Variants in PODNL1 observed in about 807,000 individuals in gnomAD.
The protein encoded by PODNL1 is podocan like 1.
A neutral mutation model predicts 45.1 loss-of-function variants in PODNL1; 50 were observed. That is an observed-to-expected ratio of 1.11 (90% CI 0.88 to 1.40). PODNL1 has a LOEUF of 1.40. PODNL1 is among the 40% of genes most tolerant of loss of function. The pLI, the probability that PODNL1 is intolerant of heterozygous loss-of-function variation, is 0.00. For synonymous variants in PODNL1, 406 were observed against 372.5 expected (o/e 1.09, Z -1.04); for missense variants, 788 against 793.3 (o/e 0.99, Z 0.08).
intron 1 of PODNL1, chr19:13,952,398 G>C: frequency 2.5e-6 from 3 of 1,208,950 alleles, no homozygotes; most frequent in Non-Finnish European, 3.1e-6. Context: ...GGCATAGCGC[G>C]AGTGCGGGCT....
intron 1 of PODNL1, among the ~76,000 whole-genome samples, chr19:13,947,170 GAAAAAAAAAAAAAA>G (rs758733245): frequency 1.1e-4 from 3 of 27,040 alleles, no homozygotes; most frequent in Admixed American, 4.5e-4. Context: ...CTCCATCTCA[GAAAAAAAAAAAAAA>G]AAAAAAAAAA....
chr19:13,934,209 A>G, intron 6 of PODNL1, 45 bp downstream of exon 6: 1 of 1,482,562 alleles, frequency 6.7e-7, no homozygotes, highest in Non-Finnish European at 8.9e-7. Flanking sequence ...CCCTGGAAAG[A>G]GGTGAAGAGA....
At chr19:13,952,264 G>A (rs1973076775) in intron 1 of PODNL1, among the ~76,000 whole-genome samples, 1 of 152,286 alleles carries the variant, frequency 6.6e-6, no homozygotes, top group African/African-American at 2.4e-5. Context: ...AAAGTTATCT[G>A]GGCAGGGCGA....
intron 1 of PODNL1, among the ~76,000 whole-genome samples, chr19:13,946,826 G>A (rs998926074): frequency 6.6e-6 from 1 of 152,000 alleles, no homozygotes; most frequent in Non-Finnish European, 1.5e-5. Context: ...GCCGAGGTGG[G>A]CGGATCACGA....
chr19:13,946,631 C>G (rs1490671010), intron 1 of PODNL1, among the ~76,000 whole-genome samples: 2 of 151,922 alleles, frequency 1.3e-5, no homozygotes, highest in Non-Finnish European at 2.9e-5. Flanking sequence ...GTTTTATGGC[C>G]CTTTTCCAGG....
chr19:13,933,192 C>A lies in PODNL1; in HGVS notation c.1031G>T (p.Arg344Leu), dbSNP rs763503040. 1.4e-5 allele frequency: 21 copies of A among 1,535,104 alleles called. No homozygotes were observed. The highest frequency in any genetic ancestry group is 1.7e-5 in the Non-Finnish European group (20 of 1,145,766). Reference protein sequence around the residue: ...TLHLYGNGLDRVPPALPRRLR... With the variant: ...TLHLYGNGLDLVPPALPRRLR... ...GCGGCGGGGCAGGGCTGGAGGCACG[C>A]GGTCCAGCCCATTGCCATAGAGGTG... The change falls in exon 8 of 10, where the codon CGC (arginine) becomes CTC (leucine). Residue 344 changes from arginine to leucine, a missense_variant. Physicochemically the swap from Arg to Leu is moderately radical, Grantham distance 102 (BLOSUM62 -2). Coordinates refer to ENST00000588872, the MANE Select transcript of PODNL1 (RefSeq NM_001370095.3). This position sits in a 1 kb window ranked among gnomAD's most constrained non-coding sequence, Gnocchi z 5.2.
Position 13,937,908 on chromosome 19 carries a change from G to A in PODNL1, c.102C>T (p.Pro34=), listed in dbSNP as rs1375439586. 5 of 1,563,896 alleles carry A rather than the reference G, an allele frequency of 3.2e-6. No individual in the cohort carries two copies. Among genetic ancestry groups the A allele is most frequent in the Non-Finnish European group, 8.7e-7 (1 of 1,154,636 alleles). The stretch of plus-strand genomic sequence containing the variant: ...AGCGCAGGGGACAGGCCCGGGGCAG[G>A]GGCTGCAAGCTCTCCCCCAGGTGGG... The part of the protein sequence containing the change: ...AFPHLGESLQ[P]LPRACPLRCS... The change falls in exon 2 of 10, where the codon CCC becomes CCT. Residue 34 remains proline, a synonymous_variant. Coordinates refer to ENST00000588872, the MANE Select transcript of PODNL1 (RefSeq NM_001370095.3).
Position 13,938,377 on chromosome 19 carries a change from C to CA in PODNL1, c.-197_-196insT. On this transcript the variant is annotated 5_prime_UTR_variant, in exon 1 of 10. Coordinates refer to ENST00000588872, the MANE Select transcript of PODNL1 (RefSeq NM_001370095.3). Reference sequence around the variant, plus strand: ...ACCCCCTTCCCCGCCCTGGGGAGGACGGGCAGGCGGCCGGATGGGGTGGTG... The same window carrying CA: ...ACCCCCTTCCCCGCCCTGGGGAGGACAGGGCAGGCGGCCGGATGGGGTGGTG... 7.2e-7 allele frequency: 1 copy of CA among 1,393,776 alleles called. No individual in the cohort carries two copies. Among genetic ancestry groups the CA allele is most frequent in the Non-Finnish European group, 9.3e-7 (1 of 1,073,460 alleles). 86.3% of individuals were successfully genotyped at this position (1,393,776 alleles called of 1,614,324 possible).
chr19:13,947,282 AC>A (rs1972854070), intron 1 of PODNL1, among the ~76,000 whole-genome samples: 1 of 151,240 alleles, frequency 6.6e-6, no homozygotes, highest in Admixed American at 6.6e-5. Context: ...GGAGCTCAAG[AC>A]CAGCCTGGTC....
rs773227173 is a variant in PODNL1, at chr19:13,935,681, G to A, written c.494+40C>T. 25 of 1,414,810 alleles carry A rather than the reference G, an allele frequency of 1.8e-5. No homozygotes were observed. In the Admixed American group the frequency reaches 2.3e-4, roughly 13 times the overall value. The allele number at this position is 1,414,810 out of a possible 1,614,324, so 87.6% of individuals were successfully genotyped here. On this transcript the variant is annotated intron_variant, in intron 5 of 9. Coordinates refer to ENST00000588872, the MANE Select transcript of PODNL1 (RefSeq NM_001370095.3). The stretch of plus-strand genomic sequence containing the variant: ...CCTAGAACCGGGGCATGACACAGAT[G>A]TATCTGAGGCCTGGGGGCCTGGGCT...
chr19:13,932,594 G>A (rs940209095), intron 8 of PODNL1: 22 of 1,388,236 alleles, frequency 1.6e-5, no homozygotes, highest in Middle Eastern at 2.2e-4. Flanking sequence ...AGCCTAAAGC[G>A]ATTCTCCTGC....
intron 1 of PODNL1, among the ~76,000 whole-genome samples, chr19:13,944,581 C>T (rs372998388): frequency 2.1e-4 from 32 of 152,206 alleles, no homozygotes; most frequent in African/African-American, 7.5e-4. Flanking sequence ...TCTCAGCCTC[C>T]CGAGTAGCTG....
intron 5 of PODNL1, 123 bp from the exon 6 acceptor site, chr19:13,934,533 G>A (rs565519640): frequency 3.7e-4 from 355 of 957,798 alleles, no homozygotes; most frequent in Non-Finnish European, 4.6e-4. Flanking sequence ...GTGTGCGCGC[G>A]CATGTGTGGA....
chr19:13,935,234 C>G (rs1216195882), intron 5 of PODNL1, among the ~76,000 whole-genome samples: 1 of 152,134 alleles, frequency 6.6e-6, no homozygotes, highest in East Asian at 1.9e-4. Context: ...CCCGCTCACT[C>G]TCCTCCCAGG....
At chr19:13,937,764 A>G (rs761727891) in intron 2 of PODNL1, 21 bp downstream of exon 2, 6 of 1,557,190 alleles carry the variant, frequency 3.9e-6, no homozygotes. Flanking sequence ...GCATGCCCCC[A>G]CTCCCCTCCG....
chr19:13,948,699 G>A (rs1172634682), intron 1 of PODNL1, among the ~76,000 whole-genome samples: 1 of 145,322 alleles, frequency 6.9e-6, no homozygotes, highest in Non-Finnish European at 1.5e-5. Context: ...GGGAAGCCAA[G>A]GTGGGAGGAT....
Position 13,931,853 on chromosome 19 carries a change from C to T in PODNL1, c.1609G>A (p.Glu537Lys), listed in dbSNP as rs1397679783. 5.7e-6 allele frequency: 7 copies of T among 1,231,966 alleles called. 1 individual carries two copies. Among genetic ancestry groups the T allele is most frequent in the East Asian group, 3.2e-5 (1 of 31,702 alleles). The allele number at this position is 1,231,966 out of a possible 1,614,324, so 76.3% of individuals were successfully genotyped here. ...NRLHMTSIAA[E>K]AFLGLPNLRV... Reference sequence around the variant, plus strand: ...AGGTTTGGGAGCCCCAGGAAGGCCTCAGCCGCGATGCTCGTCATGTGAAGC... The same window carrying T: ...AGGTTTGGGAGCCCCAGGAAGGCCTTAGCCGCGATGCTCGTCATGTGAAGC... Residue 537 changes from glutamate to lysine, a missense_variant, in exon 10 of 10, where the codon GAG becomes AAG. Around this residue, in one of 3 missense-constraint regions of PODNL1, gnomAD observed 762 missense variants for 750.9 expected, o/e 1.01. Coordinates refer to ENST00000588872, the MANE Select transcript of PODNL1 (RefSeq NM_001370095.3).
rs76130857 is a variant in PODNL1 at position 13,934,524 on chromosome 19, T to C, written c.495-114A>G. Reference sequence around the variant, plus strand: ...GTGTGTGTGTGTGTGTGTGTGTGTGTGTGCGCGCGCATGTGTGGAGTCTGT... The same window carrying C: ...GTGTGTGTGTGTGTGTGTGTGTGTGCGTGCGCGCGCATGTGTGGAGTCTGT... On this transcript the variant is annotated intron_variant, in intron 5 of 9. Coordinates refer to ENST00000588872, the MANE Select transcript of PODNL1 (RefSeq NM_001370095.3). 3,525 of 1,025,766 alleles carry C rather than the reference T, an allele frequency of 3.4e-3. 20 individuals carry two copies. The highest frequency in any genetic ancestry group is 0.024 in the African/African-American group (1,427 of 60,036). 63.5% of individuals were successfully genotyped at this position (1,025,766 alleles called of 1,614,324 possible).
intron 8 of PODNL1, chr19:13,932,316 C>T: frequency 1.8e-6 from 1 of 562,152 alleles, no homozygotes; most frequent in Non-Finnish European, 2.7e-6. Context: ...AGACAGGTCC[C>T]CACTTGATTA....
Sources: allele counts gnomAD v4.1 joint callset (sites outside exome capture counted in the v4.1 genomes callset), GRCh38; gene constraint gnomAD v4.1.1; regional missense constraint gnomAD v4.1.1; non-coding constraint Gnocchi (gnomAD v3.1); transcripts MANE v1.5; gene names NCBI Gene and HGNC (gene_info 2026-07-23, HGNC 2026-07-21).